INTS15: variants seen among roughly 807,000 people sequenced by gnomAD.
INTS15 encodes the protein uncharacterized protein C7orf26.
chr7:6,590,833 T>TC, the INTS15 span, among the ~76,000 whole-genome samples: 1 of 151,958 alleles, frequency 6.6e-6, no homozygotes. Context: ...CTTTTTTTTT[T>TC]CTTTCTCTGC....
the INTS15 span, among the ~76,000 whole-genome samples, chr7:6,601,701 G>A: frequency 6.6e-6 from 1 of 151,022 alleles, no homozygotes; most frequent in Admixed American, 6.6e-5. Context: ...CTGTTGCCCA[G>A]TCTGGAGTGC....
chr7:6,597,563 G>C, the INTS15 span, among the ~76,000 whole-genome samples: 2 of 152,210 alleles, frequency 1.3e-5, no homozygotes, highest in Non-Finnish European at 2.9e-5. Flanking sequence ...CCAGAGTGCT[G>C]GGATTACAGG....
chr7:6,591,893 C>T, the INTS15 span: 112 of 1,600,172 alleles, frequency 7.0e-5, no homozygotes, highest in Non-Finnish European at 3.8e-5. Context: ...GACCCTCGGC[C>T]GGGTGCGGTG....
At chr7:6,598,912 G>T in the INTS15 span, among the ~76,000 whole-genome samples, 1 of 151,772 alleles carries the variant, frequency 6.6e-6, no homozygotes, top group Non-Finnish European at 1.5e-5. Flanking sequence ...TCAGCCTCCT[G>T]AATAGCTGGG....
chr7:6,590,490 G>T, the INTS15 span: 3 of 1,555,556 alleles, frequency 1.9e-6, no homozygotes, highest in East Asian at 2.4e-5. Context: ...GGCCTGAGAC[G>T]GTCGGGTTCC....
the INTS15 span, chr7:6,608,367 A>G: frequency 7.1e-7 from 1 of 1,416,096 alleles, no homozygotes; most frequent in Non-Finnish European, 9.2e-7. Context: ...GGAAGAGTCC[A>G]GCCTCTGCCG....
chr7:6,607,284 G>T, the INTS15 span, among the ~76,000 whole-genome samples: 3 of 152,110 alleles, frequency 2.0e-5, no homozygotes, highest in Non-Finnish European at 4.4e-5. This position sits in a 1 kb window ranked among gnomAD's most constrained non-coding sequence, Gnocchi z 6.0. Flanking sequence ...CCACCAGGAC[G>T]GGAGGTCCAG....
the INTS15 span, among the ~76,000 whole-genome samples, chr7:6,604,416 T>G: frequency 6.6e-6 from 1 of 152,090 alleles, no homozygotes; most frequent in Non-Finnish European, 1.5e-5. Flanking sequence ...GAGGAAATGT[T>G]GATAGTGGAA....
chr7:6,593,811 G>C, the INTS15 span, among the ~76,000 whole-genome samples: 1 of 151,218 alleles, frequency 6.6e-6, no homozygotes, highest in African/African-American at 2.4e-5. Flanking sequence ...CACCATATCT[G>C]GCTAATTTTT....
the INTS15 span, among the ~76,000 whole-genome samples, chr7:6,606,426 T>G: frequency 6.6e-6 from 1 of 152,088 alleles, no homozygotes; most frequent in Non-Finnish European, 1.5e-5. Context: ...CGGGTTGTTG[T>G]GGGACCCAGT....
chr7:6,601,890 C>T, the INTS15 span, among the ~76,000 whole-genome samples: 9 of 152,006 alleles, frequency 5.9e-5, no homozygotes, highest in South Asian at 2.1e-4. Flanking sequence ...CTCCTGACCT[C>T]GGGTGATCCA....
the INTS15 span, among the ~76,000 whole-genome samples, chr7:6,607,111 G>A: frequency 6.6e-6 from 1 of 152,084 alleles, no homozygotes; most frequent in Non-Finnish European, 1.5e-5. This position sits in a 1 kb window ranked among gnomAD's most constrained non-coding sequence, Gnocchi z 6.0. Context: ...GCCAAGCCAG[G>A]GAGTTCTGGG....
At chr7:6,596,996 T>A in the INTS15 span, among the ~76,000 whole-genome samples, 2 of 151,874 alleles carry the variant, frequency 1.3e-5, no homozygotes, top group Admixed American at 1.3e-4. Flanking sequence ...GCCAGGATGG[T>A]CTCGATCACC....
chr7:6,591,685 A>G, the INTS15 span: 2 of 1,614,174 alleles, frequency 1.2e-6, no homozygotes, highest in Non-Finnish European at 1.7e-6. Flanking sequence ...TCTTGAAATC[A>G]TGTGCAATTA....
the INTS15 span, among the ~76,000 whole-genome samples, chr7:6,603,997 T>C: frequency 6.6e-6 from 1 of 151,128 alleles, no homozygotes; most frequent in Non-Finnish European, 1.5e-5. Context: ...ACCCTGTCTC[T>C]TAAAAAAAAA....
the INTS15 span, among the ~76,000 whole-genome samples, chr7:6,601,193 ACT>A: frequency 6.6e-6 from 1 of 151,840 alleles, no homozygotes; most frequent in African/African-American, 2.4e-5. Context: ...CTGGTTTCAA[ACT>A]CTTGGGCTCA....
the INTS15 span, chr7:6,608,110 C>A: frequency 1.3e-6 from 2 of 1,567,914 alleles, no homozygotes; most frequent in East Asian, 2.3e-5. Flanking sequence ...CCACGCATCC[C>A]GGCCACACCT....
At chr7:6,608,626 G>A in the INTS15 span, 1 of 666,912 alleles carries the variant, frequency 1.5e-6, no homozygotes, top group South Asian at 6.5e-5. Flanking sequence ...GCTCAGGGAG[G>A]CTGTCAGGAA....
chr7:6,592,689 G>A, the INTS15 span, among the ~76,000 whole-genome samples: 5,165 of 150,154 alleles, frequency 0.034, 106 homozygotes, highest in Middle Eastern at 0.051. Context: ...GCTCACTACA[G>A]CCTTTGCCTC....
Sources: allele counts gnomAD v4.1 joint callset (sites outside exome capture counted in the v4.1 genomes callset), GRCh38; gene constraint gnomAD v4.1.1; non-coding constraint Gnocchi (gnomAD v3.1); transcripts MANE v1.5; gene names NCBI Gene and HGNC (gene_info 2026-07-23, HGNC 2026-07-21).